CHST8: variants seen among roughly 807,000 people sequenced by gnomAD.
CHST8 encodes the protein GALNAC-4-ST1.
Under a neutral mutation model 15.0 loss-of-function variants are expected in CHST8, and 10 were observed. That is an observed-to-expected ratio of 0.67 (90% confidence interval 0.41 to 1.13). The LOEUF (loss-of-function observed/expected upper bound fraction) is 1.13. CHST8 is among the 50% of genes most tolerant of loss of function. CHST8 has a pLI of 0.00. For synonymous variants in CHST8, 259 were observed against 256.6 expected (o/e 1.01, Z -0.09); for missense variants, 634 against 608.2 (o/e 1.04, Z -0.45).
chr19:33,676,152 T>C (rs1185349292), intron 2 of CHST8, among the ~76,000 whole-genome samples: 1 of 152,186 alleles, frequency 6.6e-6, no homozygotes, highest in African/African-American at 2.4e-5. Flanking sequence ...CTCAAGTAAG[T>C]TTTTTTAAAT....
chr19:33,765,676 C>G (rs1368398092), intron 3 of CHST8, among the ~76,000 whole-genome samples: 1 of 152,104 alleles, frequency 6.6e-6, no homozygotes, highest in Non-Finnish European at 1.5e-5. Flanking sequence ...ATTCTCCTGC[C>G]TCAGCCTTTC....
At chr19:33,679,239 C>T (rs567532254) in intron 2 of CHST8, among the ~76,000 whole-genome samples, 30 of 152,238 alleles carry the variant, frequency 2.0e-4, no homozygotes, top group African/African-American at 6.5e-4. Context: ...TGTAATTTTC[C>T]CTGCTGTGGC....
intron 1 of CHST8, among the ~76,000 whole-genome samples, chr19:33,630,988 C>G (rs1972114603): frequency 1.3e-5 from 2 of 152,194 alleles, no homozygotes; most frequent in South Asian, 2.1e-4. Flanking sequence ...CCATCAGGCT[C>G]TGTCTCCCAG....
chr19:33,645,999 A>C (rs955436821), intron 1 of CHST8, among the ~76,000 whole-genome samples: 2 of 152,076 alleles, frequency 1.3e-5, no homozygotes, highest in African/African-American at 4.8e-5. Context: ...ATGCTGGTAC[A>C]TGCCTGTGGT....
chr19:33,769,529 C>G (rs547035934), intron 3 of CHST8, among the ~76,000 whole-genome samples: 1 of 152,262 alleles, frequency 6.6e-6, no homozygotes, highest in South Asian at 2.1e-4. Context: ...GAGCTGTCAT[C>G]ATCGGCTGCG....
chr19:33,639,810 G>A (rs899809942), intron 1 of CHST8, among the ~76,000 whole-genome samples: 6 of 151,198 alleles, frequency 4.0e-5, no homozygotes, highest in African/African-American at 1.5e-4. Flanking sequence ...CAGGGGTCCT[G>A]TCTATAGGGA....
chr19:33,663,421 T>C (rs779565759), intron 1 of CHST8, among the ~76,000 whole-genome samples: 10 of 152,090 alleles, frequency 6.6e-5, no homozygotes, highest in Non-Finnish European at 1.3e-4. Flanking sequence ...AAAAATTATC[T>C]GGGCCTGGTG....
At chr19:33,669,837 T>C (rs1972712584) in intron 2 of CHST8, among the ~76,000 whole-genome samples, 2 of 152,214 alleles carry the variant, frequency 1.3e-5, no homozygotes, top group Admixed American at 6.5e-5. Flanking sequence ...TAGATATGCA[T>C]GAGGCATGGC....
rs1388347520 is a variant in CHST8, at chr19:33,773,276, C to T, written c.*213C>T. The T allele has an allele frequency of 1.7e-6, 1 of 593,978 alleles. No individual in the cohort carries two copies. The highest frequency in any genetic ancestry group is 2.9e-5 in the East Asian group (1 of 35,074). The allele number at this position is 593,978 out of a possible 1,614,324, so 36.8% of individuals were successfully genotyped here. A position where few individuals can be genotyped will look rare whatever the true frequency, so the allele number is the denominator to read the frequency against. ...CCTGGCCTGTACCTGTTTCCTCATT[C>T]CTTGGCTGAGGGAGAGGCTGAGAAC... On this transcript the variant is annotated 3_prime_UTR_variant, in exon 5 of 5. Transcript: ENST00000650847.
chr19:33,652,975 A>G (rs1392848031), intron 1 of CHST8, among the ~76,000 whole-genome samples: 4 of 152,126 alleles, frequency 2.6e-5, no homozygotes, highest in Non-Finnish European at 5.9e-5. Context: ...CTCCCATCCT[A>G]TATCTTTTGT....
intron 2 of CHST8, among the ~76,000 whole-genome samples, chr19:33,685,501 C>T (rs1473159911): frequency 2.0e-5 from 3 of 150,162 alleles, no homozygotes; most frequent in African/African-American, 7.3e-5. Flanking sequence ...CTGAACCCTC[C>T]CTCTTCTCTG....
chr19:33,637,681 C>T (rs1321718784), intron 1 of CHST8, among the ~76,000 whole-genome samples: 2 of 144,450 alleles, frequency 1.4e-5, no homozygotes, highest in African/African-American at 5.1e-5. Flanking sequence ...GGATTACAGG[C>T]GTGAGCCACC....
Position 33,728,047 on chromosome 19 carries a change from C to T in CHST8, c.130+38656C>T, listed in dbSNP as rs569082886. Among the ~76,000 whole-genome samples, 22 of 152,386 alleles carry T rather than the reference C, an allele frequency of 1.4e-4. No individual in the cohort carries two copies. The South Asian group carries it at 2.1e-3, about 14-fold the overall frequency. ...GCTCCAGCAAGTGCCTTCGCTCCCA[C>T]GGCAGGTTCATGGCCACACCTGTGG... On this transcript the variant is annotated intron_variant, in intron 3 of 4. Transcript: ENST00000650847.
At chr19:33,641,304 C>A (rs1253401851) in intron 1 of CHST8, among the ~76,000 whole-genome samples, 1 of 152,200 alleles carries the variant, frequency 6.6e-6, no homozygotes, top group Non-Finnish European at 1.5e-5. Context: ...GGATCAGAGT[C>A]CTCGGGGAAC....
At chr19:33,757,416 AAG>A (rs1974575263) in intron 3 of CHST8, among the ~76,000 whole-genome samples, 1 of 8,558 alleles carries the variant, frequency 1.2e-4, no homozygotes, top group East Asian at 2.5e-3. Context: ...GAAAGAAAGA[AAG>A]AAAGAAAGAA....
At position 33,772,928 on chromosome 19, in the gene CHST8, G is replaced by C; in HGVS notation, c.1140G>C (p.Glu380Asp). The C allele has an allele frequency of 6.2e-7, 1 of 1,613,464 alleles. No individual in the cohort carries two copies. The highest frequency in any genetic ancestry group is 8.5e-7 in the Non-Finnish European group (1 of 1,180,030). Residue 380 changes from glutamate (E) to aspartate (D), a missense_variant, in exon 5 of 5, where the codon GAG becomes GAC. Glu to Asp is a conservative substitution (Grantham distance 45). Transcript: ENST00000650847. The stretch of plus-strand genomic sequence containing the variant: ...GGTTCAAGGACCGGCACTCGCAGGA[G>C]GCGCGGACCACAGCGAGGATCGCCC... ...FPRFKDRHSQ[E>D]ARTTARIAHQ...
At chr19:33,752,711 C>T (rs554955919) in intron 3 of CHST8, among the ~76,000 whole-genome samples, 1 of 152,274 alleles carries the variant, frequency 6.6e-6, no homozygotes, top group South Asian at 2.1e-4. Context: ...CCTTGCCATC[C>T]AAGACAGCAT....
chr19:33,683,581 C>CTGAAACA (rs1972926805), intron 2 of CHST8, among the ~76,000 whole-genome samples: 1 of 152,216 alleles, frequency 6.6e-6, no homozygotes, highest in African/African-American at 2.4e-5. Flanking sequence ...CCTCAGCTCC[C>CTGAAACA]TGAAACATAG....
Position 33,772,780 on chromosome 19 carries a change from T to A in CHST8, c.992T>A (p.Val331Asp), listed in dbSNP as rs768403232. 1 of 1,613,406 alleles carries A rather than the reference T, an allele frequency of 6.2e-7. No homozygotes were observed. The highest frequency in any genetic ancestry group is 2.2e-5 in the East Asian group (1 of 44,870). Reference protein sequence around the residue: ...PVGMDIHWDHVSRLCSPCLID... With the variant: ...PVGMDIHWDHDSRLCSPCLID... ...GGGATGGACATTCACTGGGACCATG[T>A]CAGCCGGCTCTGCAGCCCCTGCCTC... Residue 331 changes from valine (V) to aspartate (D), a missense_variant, in exon 5 of 5, where the codon GTC becomes GAC. Val to Asp is a radical substitution (Grantham distance 152). Transcript: ENST00000650847.
Sources: allele counts gnomAD v4.1 joint callset (sites outside exome capture counted in the v4.1 genomes callset), GRCh38; gene constraint gnomAD v4.1.1; transcripts MANE v1.5; gene names NCBI Gene and HGNC (gene_info 2026-07-23, HGNC 2026-07-21).